Variants in SEPTIN8 observed in about 807,000 individuals in gnomAD.
The protein encoded by SEPTIN8 is septin 8, also known as septin-8.
In SEPTIN8, 22 loss-of-function variants were observed where a neutral mutation model predicts 53.1. The observed-to-expected ratio is 0.41, with a 90% CI of 0.30 to 0.59. The LOEUF (loss-of-function observed/expected upper bound fraction) is 0.59, where lower values mean the gene tolerates loss of function less well. Ranked by LOEUF, SEPTIN8 falls within the 20% of genes least tolerant of loss-of-function variation. The pLI is 0.24. For missense variants in SEPTIN8, 536 were observed against 638.7 expected (o/e 0.84, Z 1.73); for synonymous variants, 228 against 248.4 (o/e 0.92, Z 0.77).
chr5:132,758,124 A>G (rs1755515232), intron 9 of SEPTIN8: 2 of 1,023,274 alleles, frequency 2.0e-6, no homozygotes, highest in Admixed American at 5.1e-5. Context: ...AATTCCATCC[A>G]TAAAGAAATG....
intron 2 of SEPTIN8, 53 bp downstream of exon 2, chr5:132,765,356 C>G: frequency 6.2e-7 from 1 of 1,602,100 alleles, no homozygotes; most frequent in Non-Finnish European, 8.5e-7. Context: ...AGCACCCCCT[C>G]TCCCAGGAGG....
intron 9 of SEPTIN8, among the ~76,000 whole-genome samples, chr5:132,754,701 AG>A (rs1301516068): frequency 6.6e-6 from 1 of 152,236 alleles, no homozygotes; most frequent in Non-Finnish European, 1.5e-5. Context: ...GTGGGGCCCC[AG>A]GTCCCATCCT....
upstream of SEPTIN8, among the ~76,000 whole-genome samples, chr5:132,779,356 A>G (rs898317230): frequency 6.6e-6 from 1 of 152,226 alleles, no homozygotes; most frequent in African/African-American, 2.4e-5. Context: ...CTCACCGTCA[A>G]ATAACTGGGG....
chr5:132,775,949 A>C (rs1757747598), intron 1 of SEPTIN8: 1 of 152,216 alleles, frequency 6.6e-6, no homozygotes, highest in African/African-American at 2.4e-5. Flanking sequence ...TATGAAACCA[A>C]GAGCTCCTGC....
chr5:132,758,350 A>G (rs912458032), intron 9 of SEPTIN8: 1 of 1,401,088 alleles, frequency 7.1e-7, no homozygotes, highest in Admixed American at 3.0e-5. Context: ...ATTAAGCTGT[A>G]GGTTAGAAAA....
intron 1 of SEPTIN8, among the ~76,000 whole-genome samples, chr5:132,771,187 G>A (rs775413360): frequency 3.9e-5 from 6 of 152,178 alleles, no homozygotes; most frequent in Admixed American, 1.3e-4. Context: ...ATGAAACAAG[G>A]TGGGATCTGG....
chr5:132,762,470 C>T lies in SEPTIN8; in HGVS notation c.696+14G>A. The T allele has an allele frequency of 6.2e-7, 1 of 1,613,720 alleles. No individual in the cohort carries two copies. The highest frequency in any genetic ancestry group is 8.5e-7 in the Non-Finnish European group (1 of 1,179,642). On this transcript the variant is annotated intron_variant, in intron 5 of 9. Transcript: ENST00000378719. ...TCTGGCCCCAGGGCCCTGAGGCCCT[C>T]ACCCAACGCTCACATTCATGACTGC...
At chr5:132,774,520 A>T (rs1401346513) in intron 1 of SEPTIN8, among the ~76,000 whole-genome samples, 3 of 152,210 alleles carry the variant, frequency 2.0e-5, no homozygotes, top group Non-Finnish European at 1.5e-5. Context: ...GGGCTGCTCC[A>T]CACACCCACA....
intron 9 of SEPTIN8, chr5:132,758,495 G>C (rs1200114819): frequency 6.2e-7 from 1 of 1,612,750 alleles, no homozygotes; most frequent in East Asian, 2.2e-5. Flanking sequence ...CTTCGCTAGA[G>C]CGGCACATAA....
chr5:132,771,014 G>T (rs1033912693), intron 1 of SEPTIN8, among the ~76,000 whole-genome samples: 5 of 152,194 alleles, frequency 3.3e-5, no homozygotes, highest in African/African-American at 1.2e-4. Context: ...TCTCAGGCCG[G>T]CTGCGTGCCT....
intron 9 of SEPTIN8, chr5:132,756,817 A>G (rs745726157): frequency 2.5e-5 from 25 of 985,348 alleles, no homozygotes; most frequent in Non-Finnish European, 2.9e-5. Flanking sequence ...CAATGGACGA[A>G]TGGCCAAGTC....
Position 132,761,219 on chromosome 5 carries a change from G to A in SEPTIN8, c.1009C>T (p.Leu337=). 6.2e-7 allele frequency: 1 copy of A among 1,614,164 alleles called. No homozygotes were observed. Among genetic ancestry groups the A allele is most frequent in the Non-Finnish European group, 8.5e-7 (1 of 1,180,040 alleles). ...CTCATCTCTTCCTCCTTCCTCTGCA[G>A]CTCACTTAGGAACTCCTTCCTCTTG... The part of the protein sequence containing the change: ...EAKRKEFLSE[L]QRKEEEMRQM... The change falls in exon 8 of 10, where the codon CTG becomes TTG. Residue 337 remains leucine (L), a synonymous_variant. Transcript: ENST00000378719. The surrounding 1 kb of genome is among the most constrained non-coding windows in gnomAD (Gnocchi z 5.8).
At chr5:132,770,059 GTGTGTA>G (rs1283651767) in intron 1 of SEPTIN8, among the ~76,000 whole-genome samples, 101 of 77,612 alleles carry the variant, frequency 1.3e-3, no homozygotes, top group Non-Finnish European at 1.9e-3. Context: ...GTGTGTGTGT[GTGTGTA>G]TATATATATA....
chr5:132,764,167 G>A, intron 3 of SEPTIN8, 57 bp downstream of exon 3: 1 of 1,542,624 alleles, frequency 6.5e-7, no homozygotes, highest in Non-Finnish European at 8.8e-7. Context: ...CTGTTATAGG[G>A]GCCAATGTAG....
Position 132,762,417 on chromosome 5 carries a change from G to A in SEPTIN8, c.696+67C>T. The stretch of plus-strand genomic sequence containing the variant: ...TGGGGAACAAGAGTCTCCTGGGGCT[G>A]TGTCAGATCTGTGCCGGCTCCTCGC... On this transcript the variant is annotated intron_variant, in intron 5 of 9. Transcript: ENST00000378719. 6 of 1,481,254 alleles carry A rather than the reference G, an allele frequency of 4.1e-6. No homozygotes were observed. The South Asian group carries it at 5.8e-5, about 14-fold the overall frequency. 91.8% of individuals were successfully genotyped at this position (1,481,254 alleles called of 1,614,324 possible). A position where few individuals can be genotyped will look rare whatever the true frequency, so the allele number is the denominator to read the frequency against.
At chr5:132,755,646 G>A (rs1210950154) in intron 9 of SEPTIN8, among the ~76,000 whole-genome samples, 1 of 152,202 alleles carries the variant, frequency 6.6e-6, no homozygotes, top group Admixed American at 6.5e-5. Context: ...CCTGGCACTC[G>A]AATATTAGTA....
rs1181266379 is a variant in SEPTIN8 at position 132,758,423 on chromosome 5, A to C, written c.1286+2379T>G. ...TATACCAGACCACGCAGCTGCACCT[A>C]GGGCACCACGTGAGTTGCCATCTCC... is the stretch of plus-strand genomic sequence containing the variant. On this transcript the variant is annotated intron_variant, in intron 9 of 9. Coordinates refer to ENST00000378719, the MANE Select transcript of SEPTIN8 (RefSeq NM_001098811.2). 3 of 1,565,492 alleles carry C rather than the reference A, an allele frequency of 1.9e-6. No homozygotes were observed. In the African/African-American group the frequency reaches 4.1e-5, roughly 21 times the overall value.
chr5:132,773,332 T>C lies in SEPTIN8; in HGVS notation c.30+3776A>G, dbSNP rs1011855757. ...ACAGAGGCAGGAAGGCTGGGGAGGC[T>C]GCAAGGGACACACAGAGGCCAGCTG... On this transcript the variant is annotated intron_variant, in intron 1 of 9. Coordinates refer to ENST00000378719, the MANE Select transcript of SEPTIN8 (RefSeq NM_001098811.2). This position sits in a 1 kb window ranked among gnomAD's most constrained non-coding sequence, Gnocchi z 4.2. Among the ~76,000 whole-genome samples, 16 of 152,228 alleles carry C rather than the reference T, an allele frequency of 1.1e-4. No individual in the cohort carries two copies. The highest frequency in any genetic ancestry group is 3.1e-4 in the African/African-American group (13 of 41,452).
At chr5:132,777,426 A>T (rs1581210459), upstream of SEPTIN8, 1 of 997,502 alleles carries the variant, frequency 1.0e-6, no homozygotes. This position sits in a 1 kb window ranked among gnomAD's most constrained non-coding sequence, Gnocchi z 4.1. Flanking sequence ...AGCTGCGGGG[A>T]CTGCTGGGAC....
Sources: gnomAD v4.1 joint callset for allele counts (sites outside exome capture counted in the v4.1 genomes callset) on GRCh38, gnomAD v4.1.1 for gene constraint, Gnocchi (gnomAD v3.1) non-coding constraint, MANE v1.5 for transcripts, NCBI Gene and HGNC (gene_info 2026-07-23, HGNC 2026-07-21) for gene names.